The following KCNH8 variants were observed in gnomAD, a reference collection of about 807,000 sequenced individuals.
KCNH8 encodes potassium voltage-gated channel subfamily H member 8.
In KCNH8, 70 loss-of-function variants were observed where a neutral mutation model predicts 103.6. The observed-to-expected ratio is 0.68, with a 90% CI of 0.56 to 0.82. The LOEUF (loss-of-function observed/expected upper bound fraction) is 0.82, where lower values mean the gene tolerates loss of function less well. Ranked by LOEUF, KCNH8 falls within the 40% of genes least tolerant of loss-of-function variation. The pLI is 0.00. For synonymous variants in KCNH8, 498 were observed against 489.4 expected (o/e 1.02, Z -0.23); for missense variants, 1,217 against 1,329.9 (o/e 0.92, Z 1.32).
At chr3:19,292,874 T>C (rs2064947793) in intron 3 of KCNH8, among the ~76,000 whole-genome samples, 1 of 152,202 alleles carries the variant, frequency 6.6e-6, no homozygotes, top group Non-Finnish European at 1.5e-5. Flanking sequence ...TCCCCTTGCC[T>C]CTTTCTCCTT....
At chr3:19,313,660 G>A (rs974244517) in intron 3 of KCNH8, among the ~76,000 whole-genome samples, 1 of 147,594 alleles carries the variant, frequency 6.8e-6, no homozygotes, top group African/African-American at 2.5e-5. Context: ...TGAAATTGAA[G>A]TATACATTCT....
At chr3:19,300,059 G>C (rs1029648508) in intron 3 of KCNH8, among the ~76,000 whole-genome samples, 4 of 151,940 alleles carry the variant, frequency 2.6e-5, no homozygotes, top group Non-Finnish European at 4.4e-5. Context: ...GACCAGCCTG[G>C]CCAACATGGC....
chr3:19,415,651 G>T (rs2066853005), intron 7 of KCNH8, among the ~76,000 whole-genome samples: 1 of 151,978 alleles, frequency 6.6e-6, no homozygotes, highest in Non-Finnish European at 1.5e-5. Context: ...AAGTGTACTT[G>T]CTCAGTCCAA....
intron 5 of KCNH8, among the ~76,000 whole-genome samples, chr3:19,388,495 C>A (rs539635227): frequency 2.6e-5 from 4 of 151,986 alleles, no homozygotes; most frequent in Non-Finnish European, 1.5e-5. Context: ...ATCTTTGCCA[C>A]GATAGCATTT....
At chr3:19,228,031 G>A (rs1451940924) in intron 1 of KCNH8, among the ~76,000 whole-genome samples, 1 of 152,132 alleles carries the variant, frequency 6.6e-6, no homozygotes. Flanking sequence ...GCTGTGAGAG[G>A]AGGCTAATTT....
chr3:19,227,865 G>T (rs1211131351), intron 1 of KCNH8, among the ~76,000 whole-genome samples: 1 of 152,284 alleles, frequency 6.6e-6, no homozygotes, highest in East Asian at 1.9e-4. Flanking sequence ...CATGATGCCT[G>T]TGAAAAGATG....
At chr3:19,374,456 T>G (rs1389867219) in intron 5 of KCNH8, among the ~76,000 whole-genome samples, 3 of 152,142 alleles carry the variant, frequency 2.0e-5, no homozygotes, top group Non-Finnish European at 2.9e-5. Context: ...GTTTTCCATT[T>G]GCTTGGTAGA....
chr3:19,500,885 A>G (rs2068566306), intron 11 of KCNH8, among the ~76,000 whole-genome samples: 1 of 152,110 alleles, frequency 6.6e-6, no homozygotes, highest in Non-Finnish European at 1.5e-5. Context: ...AAAAGAGCAA[A>G]CACATTCAAA....
At chr3:19,320,809 T>A (rs181495754) in intron 3 of KCNH8, among the ~76,000 whole-genome samples, 11 of 152,086 alleles carry the variant, frequency 7.2e-5, no homozygotes, top group Admixed American at 7.2e-4. Context: ...TATCTGGTCC[T>A]GGAATTTTTT....
At chr3:19,259,044 A>G (rs1387901876) in intron 2 of KCNH8, among the ~76,000 whole-genome samples, 2 of 147,092 alleles carry the variant, frequency 1.4e-5, no homozygotes, top group Admixed American at 6.8e-5. Context: ...CTAAATAGTA[A>G]AAAAGGAAAT....
chr3:19,263,258 A>G (rs1460083532), intron 2 of KCNH8, among the ~76,000 whole-genome samples: 3 of 152,224 alleles, frequency 2.0e-5, no homozygotes, highest in Admixed American at 6.5e-5. Context: ...ATATATGACC[A>G]TATTTTTACT....
intron 3 of KCNH8, among the ~76,000 whole-genome samples, chr3:19,282,862 A>G (rs1055896533): frequency 6.6e-6 from 1 of 152,148 alleles, no homozygotes; most frequent in Non-Finnish European, 1.5e-5. Context: ...AGTAGATTGG[A>G]GACCAAAATA....
At chr3:19,361,988 C>G (rs1243683610) in intron 5 of KCNH8, among the ~76,000 whole-genome samples, 5 of 152,060 alleles carry the variant, frequency 3.3e-5, no homozygotes, top group African/African-American at 1.2e-4. Context: ...CTGAATGTTT[C>G]ATTTGTAAAT....
intron 7 of KCNH8, among the ~76,000 whole-genome samples, chr3:19,428,549 A>G (rs1343692204): frequency 2.0e-5 from 3 of 152,240 alleles, no homozygotes; most frequent in Non-Finnish European, 4.4e-5. Flanking sequence ...AGCACCAGCA[A>G]TAGTAAAAGC....
chr3:19,468,253 G>C (rs1468702854), intron 11 of KCNH8, among the ~76,000 whole-genome samples: 1 of 152,166 alleles, frequency 6.6e-6, no homozygotes, highest in Non-Finnish European at 1.5e-5. Context: ...CTAATGCAGA[G>C]TCAACATTTA....
intron 11 of KCNH8, among the ~76,000 whole-genome samples, chr3:19,495,880 G>A (rs187872740): frequency 2.6e-4 from 40 of 151,994 alleles, no homozygotes; most frequent in Admixed American, 1.7e-3. Flanking sequence ...TTCCTTGAGC[G>A]GTGTTTTATA....
chr3:19,397,611 A>T (rs2066543339), intron 7 of KCNH8, among the ~76,000 whole-genome samples: 1 of 151,500 alleles, frequency 6.6e-6, no homozygotes, highest in Admixed American at 6.6e-5. Context: ...ATAAACCATC[A>T]GAGGATATAT....
At chr3:19,315,469 G>C (rs1012325984) in intron 3 of KCNH8, among the ~76,000 whole-genome samples, 1 of 151,850 alleles carries the variant, frequency 6.6e-6, no homozygotes, top group African/African-American at 2.4e-5. Flanking sequence ...GCTGGCTGTT[G>C]TTTCATAAAA....
chr3:19,387,507 G>A (rs188767664), intron 5 of KCNH8, among the ~76,000 whole-genome samples: 14 of 152,230 alleles, frequency 9.2e-5, no homozygotes, highest in African/African-American at 3.1e-4. Context: ...GTGAAAAAGT[G>A]TTTCGTAAAT....
Sources: allele counts gnomAD v4.1 joint callset (sites outside exome capture counted in the v4.1 genomes callset), GRCh38; gene constraint gnomAD v4.1.1; transcripts MANE v1.5; gene names NCBI Gene and HGNC (gene_info 2026-07-23, HGNC 2026-07-21).